Variants in CPD observed in about 807,000 individuals in gnomAD.
CPD encodes carboxypeptidase D, also known as metallocarboxypeptidase D.
In CPD, 69 loss-of-function variants were observed where a neutral mutation model predicts 138.3. The observed-to-expected ratio is 0.50, with a 90% confidence interval of 0.41 to 0.61. The LOEUF (loss-of-function observed/expected upper bound fraction) is 0.61, where lower values mean the gene tolerates loss of function less well. Ranked by LOEUF, CPD falls within the 20% of genes least tolerant of loss-of-function variation. The probability of loss-of-function intolerance (pLI) is 0.00; values close to 1 mark genes in which losing one functional copy is unlikely to be tolerated. For missense variants in CPD, 1,432 were observed against 1,733.3 expected, an observed-to-expected ratio of 0.83 and a Z score of 3.09; for synonymous variants, 651 against 642.1, an observed-to-expected ratio of 1.01 and a Z score of -0.21.
At chr17:30,456,846 C>CAAAAAAAAAAAA (rs11353479) in intron 17 of CPD, 2 of 66,626 alleles carry the variant, frequency 3.0e-5, no homozygotes, top group Non-Finnish European at 5.5e-5. Context: ...GATTCCATCT[C>CAAAAAAAAAAAA]AAAAAAAAAA....
intron 15 of CPD, chr17:30,455,758 AAGTG>A (rs1352136057): frequency 6.6e-6 from 2 of 303,880 alleles, no homozygotes; most frequent in Non-Finnish European, 1.2e-5. Context: ...GAGAATATAA[AAGTG>A]AGTATGACAC....
Position 30,466,644 on chromosome 17 carries a change from T to C in CPD, c.*1830T>C, listed in dbSNP as rs937686346. On this transcript the variant is annotated 3_prime_UTR_variant, in exon 21 of 21. Transcript: ENST00000225719. ...TGTATTGCTCTTTTTCAGCTTTATT[T>C]TTAAGAGTACAGTCAGGAAACCAAC... The C allele has an allele frequency of 5.9e-5, 9 of 152,626 alleles. No homozygotes were observed. The highest frequency in any genetic ancestry group is 5.2e-4 in the Admixed American group (8 of 15,272). 9.5% of individuals were successfully genotyped at this position (152,626 alleles called of 1,614,324 possible).
rs1912326383 is a variant in CPD at position 30,423,611 on chromosome 17, A to T, written c.1763A>T (p.Asp588Val). ...IEYLCKNFGT[D>V]PEVTDLVHNT... ...TACCTTTGTAAGAACTTTGGAACAGACCCTGAAGTCACAGATTTGGTTCAT... is the reference window on the plus strand; with the variant it reads ...TACCTTTGTAAGAACTTTGGAACAGTCCCTGAAGTCACAGATTTGGTTCAT... The change falls in exon 6 of 21, where the codon GAC becomes GTC. Residue 588 changes from aspartate to valine, a missense_variant. Physicochemically the swap from Asp to Val is radical, Grantham distance 152. Around this residue, in one of 6 missense-constraint regions of CPD, gnomAD observed 297 missense variants for 405.3 expected, o/e 0.73. Transcript: ENST00000225719. The T allele has an allele frequency of 6.2e-7, 1 of 1,612,652 alleles. No individual in the cohort carries two copies. The highest frequency in any genetic ancestry group is 1.3e-5 in the African/African-American group (1 of 74,852).
At chr17:30,394,303 C>G (rs1911441200) in intron 2 of CPD, among the ~76,000 whole-genome samples, 1 of 152,118 alleles carries the variant, frequency 6.6e-6, no homozygotes, top group Non-Finnish European at 1.5e-5. Context: ...TCCTCTGCCA[C>G]CGGACTACTT....
intron 17 of CPD, chr17:30,456,846 CAAAAAAAAA>C (rs11353479): frequency 4.5e-5 from 3 of 66,820 alleles, no homozygotes; most frequent in South Asian, 5.4e-4. Context: ...GATTCCATCT[CAAAAAAAAA>C]AAAAAAAAAA....
intron 7 of CPD, among the ~76,000 whole-genome samples, chr17:30,429,780 G>T (rs905709393): frequency 9.2e-5 from 14 of 152,144 alleles, no homozygotes; most frequent in Admixed American, 8.5e-4. Context: ...GTAAAAAATT[G>T]TGGGAAAGTG....
chr17:30,415,562 A>T (rs1216529156), intron 2 of CPD, among the ~76,000 whole-genome samples: 1 of 152,212 alleles, frequency 6.6e-6, no homozygotes, highest in Non-Finnish European at 1.5e-5. Flanking sequence ...CTACAACATA[A>T]CAATAAAAAA....
At chr17:30,438,507 G>C (rs1410210411) in intron 8 of CPD, among the ~76,000 whole-genome samples, 1 of 152,176 alleles carries the variant, frequency 6.6e-6, no homozygotes, top group Non-Finnish European at 1.5e-5. Flanking sequence ...AATAGGGTAA[G>C]ATAATTGTAC....
At chr17:30,396,190 A>G (rs1240244651) in intron 2 of CPD, among the ~76,000 whole-genome samples, 1 of 152,192 alleles carries the variant, frequency 6.6e-6, no homozygotes, top group African/African-American at 2.4e-5. Context: ...CCTTCAAAGT[A>G]GTTTTAATAA....
intron 10 of CPD, among the ~76,000 whole-genome samples, chr17:30,443,003 G>A (rs1391632876): frequency 9.1e-6 from 1 of 109,322 alleles, no homozygotes; most frequent in African/African-American, 3.8e-5. Context: ...CATAAAGTCT[G>A]TGAGTTTTTT....
intron 6 of CPD, among the ~76,000 whole-genome samples, chr17:30,426,199 CAAAAA>C (rs35054719): frequency 2.8e-5 from 3 of 105,452 alleles, no homozygotes; most frequent in Non-Finnish European, 6.0e-5. Context: ...GGCTCCGTCT[CAAAAA>C]AAAAAAAAAA....
At chr17:30,421,046 A>T (rs1247788631) in intron 3 of CPD, 63 bp downstream of exon 3, 1 of 1,399,760 alleles carries the variant, frequency 7.1e-7, no homozygotes, top group Non-Finnish European at 1.0e-6. Flanking sequence ...AGAAATTTGG[A>T]TGCATGTGAA....
At chr17:30,429,804 C>T (rs886185917) in intron 7 of CPD, among the ~76,000 whole-genome samples, 6 of 151,974 alleles carry the variant, frequency 3.9e-5, no homozygotes, top group Non-Finnish European at 7.4e-5. Flanking sequence ...AGGAAATATG[C>T]GGGGGAAACT....
chr17:30,386,435 A>G (rs1348286568), intron 2 of CPD, among the ~76,000 whole-genome samples: 1 of 152,158 alleles, frequency 6.6e-6, no homozygotes, highest in Non-Finnish European at 1.5e-5. Context: ...AAACATACAT[A>G]TATATATACA....
intron 2 of CPD, among the ~76,000 whole-genome samples, chr17:30,406,523 T>C (rs1346727712): frequency 6.6e-6 from 1 of 152,164 alleles, no homozygotes; most frequent in Non-Finnish European, 1.5e-5. Context: ...AAAGTTACCT[T>C]TAAAAACCTG....
In CPD at chr17:30,408,133, G is replaced by A. The variant is rs549418980; in HGVS notation, c.995-12708G>A. Among the ~76,000 whole-genome samples, 3 of 152,228 alleles carry A rather than the reference G, an allele frequency of 2.0e-5. 1 individual carries two copies. In the South Asian group the frequency reaches 6.2e-4, roughly 32 times the overall value. ...TCAAATATCAGATGGTTGTAGATGT[G>A]TGGTGTTATTTCTAAGGCCTCTGTT... On this transcript the variant is annotated intron_variant, in intron 2 of 20. Transcript: ENST00000225719.
intron 7 of CPD, 95 bp from the exon 8 acceptor site, chr17:30,431,677 T>G: frequency 1.3e-6 from 1 of 790,948 alleles, no homozygotes; most frequent in Non-Finnish European, 2.1e-6. Flanking sequence ...CAAATTTTAT[T>G]GTTTTCTCTT....
intron 2 of CPD, among the ~76,000 whole-genome samples, chr17:30,395,694 C>G (rs1911486409): frequency 6.9e-6 from 1 of 145,744 alleles, no homozygotes; most frequent in African/African-American, 2.6e-5. Flanking sequence ...TCCTGTTTAA[C>G]TCAGGTGGTA....
At chr17:30,391,355 C>A (rs1911353396) in intron 2 of CPD, among the ~76,000 whole-genome samples, 1 of 152,112 alleles carries the variant, frequency 6.6e-6, no homozygotes, top group Non-Finnish European at 1.5e-5. Flanking sequence ...GCGGGAGGAT[C>A]TTGAGTTCAA....
Sources: allele counts gnomAD v4.1 joint callset (sites outside exome capture counted in the v4.1 genomes callset), GRCh38; gene constraint gnomAD v4.1.1; regional missense constraint gnomAD v4.1.1; transcripts MANE v1.5; gene names NCBI Gene and HGNC (gene_info 2026-07-23, HGNC 2026-07-21).